Variants in EYA1 observed in about 807,000 individuals in gnomAD.
The protein encoded by EYA1 is EYA transcriptional coactivator and phosphatase 1.
A neutral mutation model predicts 82.0 loss-of-function variants in EYA1; 16 were observed. The observed-to-expected ratio is 0.20, with a 90% confidence interval of 0.13 to 0.30. The LOEUF is 0.30. Ranked by LOEUF, EYA1 falls within the 10% of genes least tolerant of loss-of-function variation. The probability of loss-of-function intolerance (pLI) is 1.00; values close to 1 mark genes in which losing one functional copy is unlikely to be tolerated. For missense variants in EYA1, 633 were observed against 730.7 expected (o/e 0.87, Z 1.54); for synonymous variants, 261 against 264.4 (o/e 0.99, Z 0.12).
At position 71,435,509 on chromosome 8, in the gene EYA1, T is replaced by C. The variant is rs183708687; in HGVS notation, c.34-78998A>G. ...GGTTTGTCTTCGGGATAAAAATGTA[T>C]ATGGAAATGATCTTACCACTTAATT... On this transcript the variant is annotated intron_variant, in intron 2 of 18. Transcript: ENST00000643681. Among the ~76,000 whole-genome samples the C allele has an allele frequency of 1.6e-3, 247 of 152,160 alleles. 3 individuals carry two copies. Among genetic ancestry groups the C allele is most frequent in the African/African-American group, 5.4e-3 (225 of 41,550 alleles).
rs779623204 is a variant in EYA1 at position 71,216,788 on chromosome 8, T to A, written c.1264A>T (p.Thr422Ser). The A allele has an allele frequency of 6.2e-7, 1 of 1,614,174 alleles. No individual in the cohort carries two copies. Among genetic ancestry groups the A allele is most frequent in the South Asian group, 1.1e-5 (1 of 91,086 alleles). The change falls in exon 14 of 18, where the codon ACT (threonine) becomes TCT (serine). Residue 422 changes from threonine (T) to serine (S), a missense_variant. Coordinates refer to ENST00000340726, the MANE Select transcript of EYA1 (RefSeq NM_000503.6). ...CAGTCCACACCGCCCCGTACACCAG[T>A]TGCCAAACATAAGTTAGCACTGGTT... ...AATSANLCLA[T>S]GVRGGVDWMR... is the part of the protein sequence containing the mutation.
chr8:71,296,833 C>T (rs1241151880), intron 9 of EYA1, among the ~76,000 whole-genome samples: 1 of 151,998 alleles, frequency 6.6e-6, no homozygotes, highest in Non-Finnish European at 1.5e-5. Context: ...TTATATACGA[C>T]TACTAAGAAA....
At chr8:71,484,343 G>C (rs1377041329) in intron 2 of EYA1, among the ~76,000 whole-genome samples, 1 of 152,216 alleles carries the variant, frequency 6.6e-6, no homozygotes, top group Non-Finnish European at 1.5e-5. Context: ...AGAAGCCTGA[G>C]GGTAAATTAG....
intron 11 of EYA1, among the ~76,000 whole-genome samples, chr8:71,249,723 A>G (rs1585995907): frequency 6.6e-6 from 1 of 152,266 alleles, no homozygotes; most frequent in African/African-American, 2.4e-5. Flanking sequence ...GATGGCTTCA[A>G]CCACCACCCA....
chr8:71,375,382 A>G (rs7818800), intron 2 of EYA1, among the ~76,000 whole-genome samples: 16,443 of 152,090 alleles, frequency 0.11, 1,045 homozygotes, highest in African/African-American at 0.15. Flanking sequence ...ACAAAAAATC[A>G]ACAAAAATCC....
At chr8:71,368,346 C>T (rs1224103020) in intron 2 of EYA1, among the ~76,000 whole-genome samples, 6 of 151,984 alleles carry the variant, frequency 3.9e-5, no homozygotes, top group South Asian at 2.1e-4. Context: ...CTGAAAGATC[C>T]GCAAAGCCCC....
At chr8:71,468,436 A>G (rs999439489) in intron 2 of EYA1, among the ~76,000 whole-genome samples, 2 of 152,146 alleles carry the variant, frequency 1.3e-5, no homozygotes, top group African/African-American at 4.8e-5. Flanking sequence ...GAAGTGTTAT[A>G]ATATAACCCA....
At chr8:71,460,086 C>T (rs952404755) in intron 2 of EYA1, among the ~76,000 whole-genome samples, 2 of 152,090 alleles carry the variant, frequency 1.3e-5, no homozygotes, top group Admixed American at 6.5e-5. Flanking sequence ...ACATTTTTTG[C>T]GCCCCCAGCA....
chr8:71,235,435 C>A (rs941811951), intron 12 of EYA1, among the ~76,000 whole-genome samples: 3 of 152,130 alleles, frequency 2.0e-5, no homozygotes, highest in African/African-American at 7.2e-5. Context: ...GACTTCCTAC[C>A]ATATCCTTGC....
At chr8:71,397,718 A>C (rs530736974) in intron 2 of EYA1, among the ~76,000 whole-genome samples, 96 of 152,288 alleles carry the variant, frequency 6.3e-4, no homozygotes, top group African/African-American at 2.2e-3. Flanking sequence ...GGCTGCCCTT[A>C]ACATTTTTTC....
At chr8:71,352,274 G>A (rs1431474641) in intron 3 of EYA1, among the ~76,000 whole-genome samples, 1 of 152,092 alleles carries the variant, frequency 6.6e-6, no homozygotes, top group African/African-American at 2.4e-5. Context: ...GTGACAGAGA[G>A]GAATGAAATA....
chr8:71,388,841 A>T (rs967931316), intron 2 of EYA1, among the ~76,000 whole-genome samples: 3 of 152,048 alleles, frequency 2.0e-5, no homozygotes, highest in African/African-American at 7.2e-5. Flanking sequence ...TAGACATATA[A>T]AGTCTTATGC....
intron 2 of EYA1, among the ~76,000 whole-genome samples, chr8:71,467,412 T>C (rs1444050518): frequency 6.6e-6 from 1 of 152,144 alleles, no homozygotes; most frequent in Non-Finnish European, 1.5e-5. Context: ...GTGTATTTTC[T>C]TCTAAGAAGG....
At chr8:71,284,562 T>G (rs1238970832) in intron 9 of EYA1, among the ~76,000 whole-genome samples, 2 of 152,216 alleles carry the variant, frequency 1.3e-5, no homozygotes, top group Non-Finnish European at 2.9e-5. Context: ...CATCAAATAA[T>G]GCATGCTAAA....
chr8:71,466,201 T>G (rs959135424), intron 2 of EYA1, among the ~76,000 whole-genome samples: 2 of 152,108 alleles, frequency 1.3e-5, no homozygotes, highest in African/African-American at 4.8e-5. Flanking sequence ...ACCACAGAAA[T>G]ATTCAAGCAA....
intron 7 of EYA1, among the ~76,000 whole-genome samples, chr8:71,312,169 A>G (rs1252164896): frequency 6.6e-6 from 1 of 152,244 alleles, no homozygotes; most frequent in African/African-American, 2.4e-5. Context: ...TTGACTAGTT[A>G]TATAACTAAG....
intron 2 of EYA1, among the ~76,000 whole-genome samples, chr8:71,444,794 T>C (rs1806730888): frequency 6.6e-6 from 1 of 152,234 alleles, no homozygotes; most frequent in African/African-American, 2.4e-5. Flanking sequence ...TTGAACTGTC[T>C]ACACCATCGA....
intron 9 of EYA1, among the ~76,000 whole-genome samples, chr8:71,275,550 T>C (rs921412299): frequency 6.6e-6 from 1 of 152,082 alleles, no homozygotes; most frequent in African/African-American, 2.4e-5. Flanking sequence ...AAATGCAGTG[T>C]GTGTACAAGG....
chr8:71,440,038 T>A (rs1431454213), intron 2 of EYA1, among the ~76,000 whole-genome samples: 1 of 152,090 alleles, frequency 6.6e-6, no homozygotes, highest in African/African-American at 2.4e-5. Context: ...CTTCTAGAGG[T>A]AGAGATACTT....
Sources: gnomAD v4.1 joint callset for allele counts (sites outside exome capture counted in the v4.1 genomes callset) on GRCh38, gnomAD v4.1.1 for gene constraint, MANE v1.5 for transcripts, NCBI Gene and HGNC (gene_info 2026-07-23, HGNC 2026-07-21) for gene names.